CSMD2: variants seen among roughly 807,000 people sequenced by gnomAD.
CSMD2 encodes CUB and Sushi multiple domains 2, also known as CUB and sushi domain-containing protein 2.
Under a neutral mutation model 398.5 loss-of-function variants are expected in CSMD2, and 130 were observed. That is an observed-to-expected ratio of 0.33 (90% CI 0.28 to 0.38). The LOEUF is 0.38. CSMD2 is among the 10% of genes least tolerant of loss of function. CSMD2 has a pLI of 1.00. For missense variants in CSMD2, 3,829 were observed against 4,764.9 expected, an observed-to-expected ratio of 0.80 and a Z score of 5.78; for synonymous variants, 1,828 against 1,908.5, an observed-to-expected ratio of 0.96 and a Z score of 1.10.
chr1:33,845,526 T>C, intron 6 of CSMD2, among the ~76,000 whole-genome samples: 1 of 152,232 alleles, frequency 6.6e-6, no homozygotes, highest in South Asian at 2.1e-4. Flanking sequence ...AGCACTTACT[T>C]AATCAGATAC....
intron 3 of CSMD2, among the ~76,000 whole-genome samples, chr1:33,999,224 C>A (rs1420177513): frequency 6.6e-6 from 1 of 152,064 alleles, no homozygotes; most frequent in Non-Finnish European, 1.5e-5. Context: ...GACTGCAATG[C>A]CAGAGGAGGA....
At chr1:34,000,257 T>C (rs896300570) in intron 3 of CSMD2, among the ~76,000 whole-genome samples, 7 of 152,106 alleles carry the variant, frequency 4.6e-5, no homozygotes, top group Non-Finnish European at 2.9e-5. Context: ...GGACCAGCCA[T>C]GGGAGTGTCC....
intron 57 of CSMD2, among the ~76,000 whole-genome samples, chr1:33,544,397 G>A (rs532285325): frequency 5.3e-5 from 8 of 151,950 alleles, no homozygotes; most frequent in Admixed American, 3.3e-4. Flanking sequence ...GATTACAGGC[G>A]TGAGCCACCG....
chr1:34,106,461 G>T (rs1388735303), intron 1 of CSMD2, among the ~76,000 whole-genome samples: 1 of 152,170 alleles, frequency 6.6e-6, no homozygotes, highest in South Asian at 2.1e-4. Context: ...GGTCAAACAA[G>T]TAGCAATGGA....
intron 3 of CSMD2, among the ~76,000 whole-genome samples, chr1:34,007,078 C>T (rs1156306518): frequency 6.6e-6 from 1 of 152,056 alleles, no homozygotes; most frequent in African/African-American, 2.4e-5. Flanking sequence ...TCTGGTGGAA[C>T]CTAAAAAAGG....
Position 34,164,819 on chromosome 1 carries a change from G to T in CSMD2, c.187+92C>A. On this transcript the variant is annotated intron_variant, in intron 1 of 70. Transcript: ENST00000373381. The surrounding 1 kb of genome is among the most constrained non-coding windows in gnomAD (Gnocchi z 6.2). Reference sequence around the variant, plus strand: ...AGATTCAGGCAGGGATAGAGGCGGGGGGAGGGACTGGGACCGGGTCGAGGA... The same window carrying T: ...AGATTCAGGCAGGGATAGAGGCGGGTGGAGGGACTGGGACCGGGTCGAGGA... The T allele has an allele frequency of 1.9e-6, 2 of 1,073,686 alleles. No homozygotes were observed. Among genetic ancestry groups the T allele is most frequent in the South Asian group, 9.2e-5 (2 of 21,682 alleles). The allele number at this position is 1,073,686 out of a possible 1,614,324, so 66.5% of individuals were successfully genotyped here.
chr1:33,863,362 C>A (rs1639689960), intron 5 of CSMD2: 1 of 152,138 alleles, frequency 6.6e-6, no homozygotes, highest in African/African-American at 2.4e-5. Context: ...GAAATGGGGA[C>A]CCCTCACATG....
intron 13 of CSMD2, among the ~76,000 whole-genome samples, chr1:33,747,386 C>T (rs557799538): frequency 6.6e-6 from 1 of 152,256 alleles, no homozygotes; most frequent in East Asian, 1.9e-4. Flanking sequence ...AGGAGATATG[C>T]TAATTTGCTC....
At chr1:33,645,261 G>C (rs900683907) in intron 29 of CSMD2, among the ~76,000 whole-genome samples, 2 of 151,740 alleles carry the variant, frequency 1.3e-5, no homozygotes, top group African/African-American at 2.4e-5. Flanking sequence ...GATGAGGCCT[G>C]GGTGAACCCG....
At chr1:33,674,564 A>G (rs1021290430) in intron 25 of CSMD2, among the ~76,000 whole-genome samples, 2 of 152,208 alleles carry the variant, frequency 1.3e-5, no homozygotes, top group Non-Finnish European at 2.9e-5. Context: ...CAGAAAGTTA[A>G]CAAGGATATC....
rs192836088 is a variant in CSMD2 at position 33,536,683 on chromosome 1, C to A, written c.9879+339G>T. On this transcript the variant is annotated intron_variant, in intron 62 of 70. Coordinates refer to ENST00000373381, the MANE Select transcript of CSMD2 (RefSeq NM_001281956.2). ...ATGCTCGTTGCCACTGTGCATGAGC[C>A]CAGTGTCTGTGGGTGGGGTGGGCAC... is the stretch of plus-strand genomic sequence containing the variant. Among the ~76,000 whole-genome samples, 553 of 152,224 alleles carry A rather than the reference C, an allele frequency of 3.6e-3. 3 individuals are homozygous for A. The highest frequency in any genetic ancestry group is 5.5e-3 in the Non-Finnish European group (374 of 68,032).
chr1:33,683,123 C>T (rs975167095), intron 25 of CSMD2, among the ~76,000 whole-genome samples: 1 of 152,208 alleles, frequency 6.6e-6, no homozygotes, highest in Non-Finnish European at 1.5e-5. Context: ...TCTTACAAGG[C>T]AAATGCTGCT....
At chr1:33,887,140 T>C (rs11811132) in intron 5 of CSMD2, among the ~76,000 whole-genome samples, 10,071 of 152,110 alleles carry the variant, frequency 0.066, 405 homozygotes, top group Middle Eastern at 0.13. Context: ...ACTGTGGCAG[T>C]GTAAAATGAT....
intron 65 of CSMD2, among the ~76,000 whole-genome samples, chr1:33,526,845 G>A (rs74066636): frequency 0.011 from 1,643 of 152,312 alleles, 32 homozygotes; most frequent in African/African-American, 0.037. Flanking sequence ...ATCTTAAACT[G>A]TAACCATTTC....
At chr1:33,655,783 G>A (rs1643927785) in intron 27 of CSMD2, among the ~76,000 whole-genome samples, 1 of 152,206 alleles carries the variant, frequency 6.6e-6, no homozygotes, top group Admixed American at 6.5e-5. Context: ...CAGTTCATTT[G>A]AGAGAAGAGG....
chr1:34,122,771 T>A (rs1481304332), intron 1 of CSMD2, among the ~76,000 whole-genome samples: 1 of 152,308 alleles, frequency 6.6e-6, no homozygotes, highest in East Asian at 1.9e-4. Context: ...GGGCCAGTCA[T>A]CCTGAAAGTT....
intron 12 of CSMD2, among the ~76,000 whole-genome samples, chr1:33,784,786 C>G (rs78934657): frequency 1.3e-5 from 2 of 152,242 alleles, no homozygotes; most frequent in East Asian, 3.9e-4. Flanking sequence ...GGGAAGGCAC[C>G]ATCTCTATGC....
chr1:34,001,328 G>A (rs549353438), intron 3 of CSMD2, among the ~76,000 whole-genome samples: 1 of 152,078 alleles, frequency 6.6e-6, no homozygotes, highest in African/African-American at 2.4e-5. Flanking sequence ...AGCACATGAG[G>A]TCTCCAAAAA....
intron 15 of CSMD2, among the ~76,000 whole-genome samples, chr1:33,728,337 T>C (rs1248989968): frequency 6.6e-6 from 1 of 152,176 alleles, no homozygotes; most frequent in African/African-American, 2.4e-5. Flanking sequence ...AATCCTCTTT[T>C]TTTTTTAATG....
Sources: gnomAD v4.1 joint callset for allele counts (sites outside exome capture counted in the v4.1 genomes callset) on GRCh38, gnomAD v4.1.1 for gene constraint, Gnocchi (gnomAD v3.1) non-coding constraint, MANE v1.5 for transcripts, NCBI Gene and HGNC (gene_info 2026-07-23, HGNC 2026-07-21) for gene names.